The following LINGO3 variants were observed in gnomAD, a reference collection of about 807,000 sequenced individuals.
LINGO3 encodes the protein leucine rich repeat and Ig domain containing 3.
For synonymous variants in LINGO3, 427 were observed against 444.2 expected (o/e 0.96, Z 0.49); for missense variants, 750 against 867.7 (o/e 0.86, Z 1.70).
the LINGO3 span, among the ~76,000 whole-genome samples, chr19:2,306,003 C>T: frequency 1.3e-5 from 2 of 152,328 alleles, no homozygotes; most frequent in African/African-American, 2.4e-5. Context: ...GTCAACCCCT[C>T]GAGGGGCTGG....
chr19:2,291,299 TGTC>T (rs769498439), exon 1 of LINGO3: 1 of 1,612,736 alleles, frequency 6.2e-7, no homozygotes, highest in South Asian at 1.1e-5. Context: ...ACCAGGTCGT[TGTC>T]GCCCACTTCC....
chr19:2,290,962 A>G lies in LINGO3; in HGVS notation c.815T>C (p.Leu272Pro). Residue 272 changes from leucine (L) to proline (P), a missense_variant, in exon 1 of 1, where the codon CTC becomes CCC. Coordinates refer to ENST00000585527, the Ensembl canonical transcript of LINGO3. This position sits in a 1 kb window ranked among gnomAD's most constrained non-coding sequence, Gnocchi z 6.0. ...GTTGTGCGACAGATTGAGGCAGGTG[A>G]GGTGCGCCTGGTGCCGCAGCGCGGC... 6.2e-7 allele frequency: 1 copy of G among 1,611,592 alleles called. No homozygotes were observed. Among genetic ancestry groups the G allele is most frequent in the South Asian group, 1.1e-5 (1 of 91,038 alleles).
the LINGO3 span, among the ~76,000 whole-genome samples, chr19:2,301,289 A>G: frequency 1.3e-5 from 2 of 151,106 alleles, no homozygotes; most frequent in African/African-American, 4.9e-5. Context: ...TAATTAATGC[A>G]GGTCTCTCTT....
chr19:2,303,366 G>A, the LINGO3 span, among the ~76,000 whole-genome samples: 36 of 139,374 alleles, frequency 2.6e-4, no homozygotes, highest in African/African-American at 9.5e-4. Context: ...TGGGGGGGGG[G>A]GTCTGTTCCG....
At chr19:2,289,547 G>A (rs1490149885), downstream of LINGO3, among the ~76,000 whole-genome samples, 1 of 152,050 alleles carries the variant, frequency 6.6e-6, no homozygotes, top group Non-Finnish European at 1.5e-5. Context: ...CCCTTTGTGG[G>A]ACCCGGGTGT....
At chr19:2,292,958 A>G (rs1305771036), upstream of LINGO3, among the ~76,000 whole-genome samples, 1 of 152,206 alleles carries the variant, frequency 6.6e-6, no homozygotes, top group Non-Finnish European at 1.5e-5. Context: ...CGACTCAGCC[A>G]TGAAAAGGAG....
At chr19:2,302,485 TC>T in the LINGO3 span, among the ~76,000 whole-genome samples, 3 of 152,186 alleles carry the variant, frequency 2.0e-5, no homozygotes, top group African/African-American at 7.2e-5. Flanking sequence ...CGTCACCTCC[TC>T]GGCTCTGCGC....
At chr19:2,299,017 CCT>C in the LINGO3 span, among the ~76,000 whole-genome samples, 1 of 152,238 alleles carries the variant, frequency 6.6e-6, no homozygotes, top group Middle Eastern at 3.4e-3. Context: ...AGAAACCTAC[CCT>C]CTCTGGACCT....
the LINGO3 span, among the ~76,000 whole-genome samples, chr19:2,308,035 T>G: frequency 1.3e-5 from 2 of 150,718 alleles, no homozygotes; most frequent in Non-Finnish European, 3.0e-5. Flanking sequence ...TCCCCAGGTC[T>G]GCGGGCGCGC....
At chr19:2,293,192 G>A (rs1290143695), upstream of LINGO3, among the ~76,000 whole-genome samples, 8 of 152,034 alleles carry the variant, frequency 5.3e-5, no homozygotes, top group African/African-American at 1.4e-4. Flanking sequence ...AGCCTCCCGA[G>A]TAACTGGGGC....
At chr19:2,292,217 G>A (rs2025531712), upstream of LINGO3, among the ~76,000 whole-genome samples, 1 of 148,840 alleles carries the variant, frequency 6.7e-6, no homozygotes, top group African/African-American at 2.5e-5. Context: ...AAAATTAGCT[G>A]GTTTTCAAGT....
chr19:2,301,886 C>A, the LINGO3 span, among the ~76,000 whole-genome samples: 1 of 144,566 alleles, frequency 6.9e-6, no homozygotes, highest in Non-Finnish European at 1.5e-5. Context: ...TGAGATCGCG[C>A]CACTGCACTC....
Position 2,291,607 on chromosome 19 carries a change from CG to C in LINGO3, c.169del (p.Arg57AlafsTer13). 6.7e-7 allele frequency: 1 copy of C among 1,502,604 alleles called. No homozygotes were observed. The allele number at this position is 1,502,604 out of a possible 1,614,324, so 93.1% of individuals were successfully genotyped here. ...GCGGTTGCGGCTGAGCTCCAGCAGG[CG>C]GGTCTCGGCCGGGATGCCGTCGGGC... On this transcript the variant is annotated frameshift_variant, in exon 1 of 1. Coordinates refer to ENST00000585527, the Ensembl canonical transcript of LINGO3. LOFTEE classifies it low-confidence loss of function (END_TRUNC).
At chr19:2,295,107 A>AC (rs144910150), upstream of LINGO3, among the ~76,000 whole-genome samples, 1,446 of 152,282 alleles carry the variant, frequency 9.5e-3, 27 homozygotes, top group African/African-American at 0.032. Context: ...GCCCCGGGAG[A>AC]CTGCTTCATG....
upstream of LINGO3, among the ~76,000 whole-genome samples, chr19:2,293,189 C>T (rs1245889478): frequency 3.3e-5 from 5 of 151,936 alleles, no homozygotes; most frequent in South Asian, 6.3e-4. Flanking sequence ...CTCAGCCTCC[C>T]GAGTAACTGG....
chr19:2,303,758 C>G, the LINGO3 span, among the ~76,000 whole-genome samples: 1 of 152,252 alleles, frequency 6.6e-6, no homozygotes, highest in Non-Finnish European at 1.5e-5. Context: ...GCACTATTAT[C>G]TCCCTCTCCA....
chr19:2,290,666 T>A lies in LINGO3; in HGVS notation c.1111A>T (p.Asn371Tyr). The change falls in exon 1 of 1, where the codon AAC (asparagine) becomes TAC (tyrosine). Residue 371 changes from asparagine (N) to tyrosine (Y), a missense_variant. By Grantham distance (143) the Asn-to-Tyr change is moderately radical (BLOSUM62 -2). Coordinates refer to ENST00000585527, the Ensembl canonical transcript of LINGO3. This position sits in a 1 kb window ranked among gnomAD's most constrained non-coding sequence, Gnocchi z 6.0. ...CAGGCCGGCAGCCGCCCGTCGAAGT[T>A]GAGGGTCTTGCGACGCTGCACGATC... 1 of 1,607,070 alleles carries A rather than the reference T, an allele frequency of 6.2e-7. No individual in the cohort carries two copies. Among genetic ancestry groups the A allele is most frequent in the Non-Finnish European group, 8.5e-7 (1 of 1,177,872 alleles).
At chr19:2,295,190 G>A (rs530098127), upstream of LINGO3, among the ~76,000 whole-genome samples, 17 of 152,280 alleles carry the variant, frequency 1.1e-4, no homozygotes, top group Admixed American at 5.2e-4. Context: ...ATGAGGTCAC[G>A]CAGGAGCAGG....
chr19:2,307,714 A>T, the LINGO3 span, among the ~76,000 whole-genome samples: 3 of 151,688 alleles, frequency 2.0e-5, no homozygotes, highest in Non-Finnish European at 2.9e-5. Flanking sequence ...TGCAGGCTCT[A>T]TTCGGACGTT....
Sources: gnomAD v4.1 joint callset for allele counts (sites outside exome capture counted in the v4.1 genomes callset) on GRCh38, gnomAD v4.1.1 for gene constraint, Gnocchi (gnomAD v3.1) non-coding constraint, MANE v1.5 for transcripts, NCBI Gene and HGNC (gene_info 2026-07-23, HGNC 2026-07-21) for gene names.